ESRRG: variants seen among roughly 807,000 people sequenced by gnomAD.
The protein encoded by ESRRG is estrogen related receptor gamma, also known as estrogen-related receptor gamma.
ESRRG carries 13 observed loss-of-function variants against 44.0 expected under a neutral mutation model. The observed-to-expected ratio is 0.30, with a 90% CI of 0.19 to 0.47. The LOEUF is 0.47. ESRRG is among the 20% of genes least tolerant of loss of function. The probability of loss-of-function intolerance (pLI) is 1.00; values close to 1 mark genes in which losing one functional copy is unlikely to be tolerated. For missense variants in ESRRG, 395 were observed against 580.6 expected (o/e 0.68, Z 3.29); for synonymous variants, 215 against 214.6 (o/e 1.00, Z -0.02).
intron 1 of ESRRG, among the ~76,000 whole-genome samples, chr1:217,046,325 A>G (rs1305555121): frequency 6.6e-6 from 1 of 152,170 alleles, no homozygotes; most frequent in Non-Finnish European, 1.5e-5. Flanking sequence ...TAGGTGTTGG[A>G]TTGACCAAAT....
intron 2 of ESRRG, among the ~76,000 whole-genome samples, chr1:216,854,185 T>G (rs1303660971): frequency 6.6e-6 from 1 of 151,646 alleles, no homozygotes; most frequent in Non-Finnish European, 1.5e-5. Flanking sequence ...GATAAAACCC[T>G]GTCTCTACTA....
chr1:216,820,327 G>A (rs1340584210), intron 2 of ESRRG, among the ~76,000 whole-genome samples: 4 of 151,922 alleles, frequency 2.6e-5, no homozygotes, highest in Non-Finnish European at 5.9e-5. Context: ...AATAGCTTGA[G>A]AAAAAAATAT....
At chr1:216,683,621 A>G (rs890647207) in intron 1 of ESRRG, among the ~76,000 whole-genome samples, 2 of 152,148 alleles carry the variant, frequency 1.3e-5, no homozygotes, top group African/African-American at 4.8e-5. Flanking sequence ...AGCTCTCCCA[A>G]CTCTGTAAAA....
chr1:216,916,810 G>A (rs1465528003), intron 2 of ESRRG, among the ~76,000 whole-genome samples: 1 of 131,168 alleles, frequency 7.6e-6, no homozygotes, highest in African/African-American at 2.9e-5. Context: ...GGTGATCTGG[G>A]TTCAAATTCC....
At chr1:216,993,107 A>G (rs1205735779) in intron 1 of ESRRG, among the ~76,000 whole-genome samples, 2 of 152,226 alleles carry the variant, frequency 1.3e-5, no homozygotes, top group Non-Finnish European at 2.9e-5. Flanking sequence ...ATCTTTAGCA[A>G]TTAGTAGAAA....
At chr1:216,518,346 C>A (rs1237119521) in intron 6 of ESRRG, among the ~76,000 whole-genome samples, 2 of 151,986 alleles carry the variant, frequency 1.3e-5, no homozygotes, top group Admixed American at 6.6e-5. Flanking sequence ...TGGCCGGCAA[C>A]CAAGATAAAG....
chr1:216,622,733 T>C (rs2062474611), intron 3 of ESRRG, among the ~76,000 whole-genome samples: 1 of 152,130 alleles, frequency 6.6e-6, no homozygotes, highest in Non-Finnish European at 1.5e-5. Context: ...GCTCAGAATT[T>C]TCCTGAAGAA....
chr1:217,078,793 A>G (rs2091526032), intron 1 of ESRRG, among the ~76,000 whole-genome samples: 2 of 152,206 alleles, frequency 1.3e-5, no homozygotes, highest in Non-Finnish European at 2.9e-5. Flanking sequence ...TTCCTCAGAA[A>G]TAAACTGAGG....
At chr1:216,596,784 G>A (rs921072434) in intron 3 of ESRRG, among the ~76,000 whole-genome samples, 17 of 152,102 alleles carry the variant, frequency 1.1e-4, no homozygotes, top group African/African-American at 4.1e-4. Context: ...TGCAATCAGT[G>A]GCATATGTTT....
chr1:216,833,975 G>A (rs2095525595), intron 2 of ESRRG, among the ~76,000 whole-genome samples: 1 of 152,216 alleles, frequency 6.6e-6, no homozygotes, highest in African/African-American at 2.4e-5. Context: ...AGTCTCTCTA[G>A]TTCTTCATCT....
At chr1:216,904,832 G>A (rs1313795463) in intron 2 of ESRRG, among the ~76,000 whole-genome samples, 1 of 152,072 alleles carries the variant, frequency 6.6e-6, no homozygotes, top group Admixed American at 6.6e-5. Context: ...GAGGTTGCTG[G>A]GATCTTTGCA....
rs187869495 is a variant in ESRRG, at chr1:217,013,670, C to T, written c.-105-73997G>A. Reference sequence around the variant, plus strand: ...TCTCTGGATAAAAGATTGTTTAGTGCTTACTTTTTGAAGTATACATTAGCA... The same window carrying T: ...TCTCTGGATAAAAGATTGTTTAGTGTTTACTTTTTGAAGTATACATTAGCA... On this transcript the variant is annotated intron_variant, in intron 1 of 7. Coordinates refer to the ESRRG transcript ENST00000359162. Among the ~76,000 whole-genome samples the T allele has an allele frequency of 3.9e-5, 6 of 152,242 alleles. No individual in the cohort carries two copies. The East Asian group carries it at 1.2e-3, about 29-fold the overall frequency.
chr1:216,884,872 G>A (rs998918504), intron 2 of ESRRG, among the ~76,000 whole-genome samples: 1 of 152,072 alleles, frequency 6.6e-6, no homozygotes, highest in Admixed American at 6.6e-5. Context: ...TAAAGAGGCC[G>A]GCCACATTCC....
intron 1 of ESRRG, among the ~76,000 whole-genome samples, chr1:216,710,550 A>T (rs1261022103): frequency 2.0e-5 from 3 of 152,188 alleles, no homozygotes; most frequent in African/African-American, 4.8e-5. Context: ...AATAGTTTTT[A>T]AAAATGCTGT....
At chr1:217,021,836 T>C (rs888581348) in intron 1 of ESRRG, among the ~76,000 whole-genome samples, 1 of 152,200 alleles carries the variant, frequency 6.6e-6, no homozygotes, top group African/African-American at 2.4e-5. Flanking sequence ...TCGGATAAAA[T>C]AACCCATCCT....
At chr1:216,714,549 T>G (rs2084381674) in intron 1 of ESRRG, 2 of 974,746 alleles carry the variant, frequency 2.1e-6, no homozygotes, top group African/African-American at 3.5e-5. Context: ...AAAGCAAGGC[T>G]GTCACATATG....
At chr1:216,612,439 G>A (rs1301747138) in intron 3 of ESRRG, among the ~76,000 whole-genome samples, 1 of 152,118 alleles carries the variant, frequency 6.6e-6, no homozygotes, top group Non-Finnish European at 1.5e-5. Flanking sequence ...TGATATCTTG[G>A]GTTACAGAGA....
chr1:216,957,690 C>T lies in ESRRG; in HGVS notation c.-105-18017G>A, dbSNP rs528025773. 5.3e-5 allele frequency among the ~76,000 whole-genome samples: 8 copies of T among 152,262 alleles called. No individual in the cohort carries two copies. In the East Asian group the frequency reaches 9.7e-4, roughly 18 times the overall value. On this transcript the variant is annotated intron_variant, in intron 1 of 7. Coordinates refer to the ESRRG transcript ENST00000359162. ...CTCCTGGACCAGGGCAACAGCATCC[C>T]GACTGGTTTCCCTGTCTCCACCCTC...
At chr1:216,667,134 C>T (rs1033368883) in intron 2 of ESRRG, among the ~76,000 whole-genome samples, 7 of 152,172 alleles carry the variant, frequency 4.6e-5, no homozygotes, top group East Asian at 1.9e-4. Flanking sequence ...TTTCCATCCA[C>T]GCTACTCCGT....
Sources: gnomAD v4.1 joint callset for allele counts (sites outside exome capture counted in the v4.1 genomes callset) on GRCh38, gnomAD v4.1.1 for gene constraint, MANE v1.5 for transcripts, NCBI Gene and HGNC (gene_info 2026-07-23, HGNC 2026-07-21) for gene names.